The following DAB1 variants were observed in gnomAD, a reference collection of about 807,000 sequenced individuals.
The protein encoded by DAB1 is DAB adaptor protein 1, also known as disabled homolog 1.
In DAB1, 15 loss-of-function variants were observed where a neutral mutation model predicts 64.6. The ratio of observed to expected loss-of-function variants is 0.23; its 90% CI spans 0.16 to 0.36. The LOEUF is 0.36. DAB1 is among the 10% of genes least tolerant of loss of function. DAB1 has a pLI of 1.00. For missense variants in DAB1, 596 were observed against 706.7 expected (o/e 0.84, Z 1.78); for synonymous variants, 235 against 251.9 (o/e 0.93, Z 0.64).
In DAB1 at chr1:57,854,010, ATAGAG is replaced by A. The variant is rs113942017; in HGVS notation, n.88-27560_88-27556del. Among the ~76,000 whole-genome samples, 421 of 152,310 alleles carry A rather than the reference ATAGAG, an allele frequency of 2.8e-3. 2 individuals are homozygous for A. Among genetic ancestry groups the A allele is most frequent in the African/African-American group, 9.3e-3 (387 of 41,558 alleles). On this transcript the variant is annotated intron_variant and non_coding_transcript_variant, in intron 1 of 1. Coordinates refer to the DAB1 transcript ENST00000477280. Reference sequence around the variant, plus strand: ...TATTAATTCATCATTCAACACATATATAGAGTAAATATTAAATGCCTCTATGCTGC... The same window carrying A: ...TATTAATTCATCATTCAACACATATATAAATATTAAATGCCTCTATGCTGC...
At chr1:57,786,635 A>G (rs1176946267) in intron 6 of DAB1, among the ~76,000 whole-genome samples, 1 of 152,170 alleles carries the variant, frequency 6.6e-6, no homozygotes, top group Non-Finnish European at 1.5e-5. Flanking sequence ...TAAGTACATT[A>G]TTATGCACAT....
intron 1 of DAB1, among the ~76,000 whole-genome samples, chr1:58,527,558 T>C (rs765081589): frequency 5.9e-5 from 9 of 152,208 alleles, no homozygotes; most frequent in Non-Finnish European, 1.2e-4. Context: ...GTCATGCCTA[T>C]AAATTTCTTG....
intron 6 of DAB1, among the ~76,000 whole-genome samples, chr1:57,664,481 G>T (rs985847654): frequency 1.3e-5 from 2 of 151,984 alleles, no homozygotes; most frequent in African/African-American, 4.8e-5. Context: ...CAAGTATTAT[G>T]TAAACAGTTA....
chr1:57,879,399 C>A (rs944781478), intron 1 of DAB1, among the ~76,000 whole-genome samples: 2 of 152,154 alleles, frequency 1.3e-5, no homozygotes, highest in African/African-American at 2.4e-5. Flanking sequence ...ACCTAGCTTT[C>A]TGAACGGTTG....
chr1:57,038,931 A>C (rs114201894), intron 9 of DAB1, among the ~76,000 whole-genome samples: 1,744 of 152,296 alleles, frequency 0.011, 33 homozygotes, highest in African/African-American at 0.04. Flanking sequence ...GCTGACCTGA[A>C]CGGGCTAACG....
At chr1:57,538,407 C>T (rs1644756381) in intron 7 of DAB1, among the ~76,000 whole-genome samples, 1 of 152,136 alleles carries the variant, frequency 6.6e-6, no homozygotes. Context: ...GGATTGGGCC[C>T]TACCTCCCTC....
chr1:58,040,633 G>C (rs948107241), intron 5 of DAB1, among the ~76,000 whole-genome samples: 6 of 152,172 alleles, frequency 3.9e-5, no homozygotes, highest in African/African-American at 1.4e-4. Flanking sequence ...GTTTCCTGCG[G>C]ATTGAGAACA....
At chr1:57,611,867 G>A (rs903733620) in intron 7 of DAB1, among the ~76,000 whole-genome samples, 1 of 152,086 alleles carries the variant, frequency 6.6e-6, no homozygotes, top group African/African-American at 2.4e-5. Context: ...ATCCTCTAAG[G>A]TCTTCCTATT....
chr1:58,205,494 T>C (rs1042632510), intron 4 of DAB1, among the ~76,000 whole-genome samples: 1 of 152,232 alleles, frequency 6.6e-6, no homozygotes, highest in African/African-American at 2.4e-5. Flanking sequence ...TTCTCACCCA[T>C]GGCCCCTCAA....
At chr1:58,194,869 T>C (rs968744518) in intron 4 of DAB1, among the ~76,000 whole-genome samples, 8 of 152,236 alleles carry the variant, frequency 5.3e-5, no homozygotes, top group Admixed American at 2.6e-4. Flanking sequence ...ACATCCTGAT[T>C]ATTGTCCAGG....
intron 5 of DAB1, among the ~76,000 whole-genome samples, chr1:58,114,016 G>C (rs562414539): frequency 7.8e-4 from 119 of 151,620 alleles, no homozygotes; most frequent in Non-Finnish European, 1.4e-3. Context: ...GGAGGTCCAG[G>C]TGGGCGGATT....
chr1:57,248,929 G>T (rs181649180), intron 2 of DAB1, among the ~76,000 whole-genome samples: 1 of 152,272 alleles, frequency 6.6e-6, no homozygotes. Context: ...ACTATCATAG[G>T]TCTCAGGATA....
Position 58,514,799 on chromosome 1 carries a change from T to G in DAB1, n.108-8590A>C, listed in dbSNP as rs184000906. On this transcript the variant is annotated intron_variant and non_coding_transcript_variant, in intron 2 of 20. Coordinates refer to the DAB1 transcript ENST00000485760. Reference sequence around the variant, plus strand: ...GCAATACTGCAGAAAACCAAAATTGTTTCCAGCAGGCAAATATAAGATGGA... The same window carrying G: ...GCAATACTGCAGAAAACCAAAATTGGTTCCAGCAGGCAAATATAAGATGGA... Among the ~76,000 whole-genome samples, 417 of 152,214 alleles carry G rather than the reference T, an allele frequency of 2.7e-3. 1 individual carries two copies. Among genetic ancestry groups the G allele is most frequent in the Non-Finnish European group, 4.4e-3 (301 of 67,990 alleles).
chr1:58,304,864 T>G (rs1370471230), intron 4 of DAB1, among the ~76,000 whole-genome samples: 1 of 152,124 alleles, frequency 6.6e-6, no homozygotes, highest in East Asian at 1.9e-4. Context: ...TCCCTTCCAC[T>G]CTCTTTTCAC....
rs149234195 is a variant in DAB1, at chr1:58,526,154, T to A, written n.107+1107A>T. ...AACATATAGGGAAAATCTGACAGACTGGAGTACATGAAAATTAGGAAATTC... is the reference window on the plus strand; with the variant it reads ...AACATATAGGGAAAATCTGACAGACAGGAGTACATGAAAATTAGGAAATTC... On this transcript the variant is annotated intron_variant and non_coding_transcript_variant, in intron 2 of 20. Coordinates refer to the DAB1 transcript ENST00000485760. Among the ~76,000 whole-genome samples the A allele has an allele frequency of 6.0e-3, 907 of 152,206 alleles. 10 individuals are homozygous for A. The highest frequency in any genetic ancestry group is 0.021 in the African/African-American group (872 of 41,558).
chr1:57,781,061 T>C (rs946061751), intron 6 of DAB1, among the ~76,000 whole-genome samples: 3 of 148,674 alleles, frequency 2.0e-5, no homozygotes, highest in Non-Finnish European at 4.5e-5. Flanking sequence ...TTTTGTTCTA[T>C]GCATATTTTA....
At chr1:57,586,034 A>C (rs1285322377) in intron 7 of DAB1, among the ~76,000 whole-genome samples, 2 of 152,116 alleles carry the variant, frequency 1.3e-5, no homozygotes, top group East Asian at 3.9e-4. Context: ...CAGTCCAATA[A>C]CCATACGTTC....
intron 7 of DAB1, among the ~76,000 whole-genome samples, chr1:57,637,831 T>C (rs779037433): frequency 6.6e-6 from 1 of 152,186 alleles, no homozygotes; most frequent in Non-Finnish European, 1.5e-5. Context: ...TGTCCTCATA[T>C]ATAACTGATA....
intron 7 of DAB1, among the ~76,000 whole-genome samples, chr1:57,513,903 A>C (rs1194819850): frequency 6.7e-6 from 1 of 149,664 alleles, no homozygotes; most frequent in African/African-American, 2.6e-5. Flanking sequence ...TGCTTCTAAA[A>C]GTTCCACTTT....
Sources: allele counts gnomAD v4.1 joint callset (sites outside exome capture counted in the v4.1 genomes callset), GRCh38; gene constraint gnomAD v4.1.1; transcripts MANE v1.5; gene names NCBI Gene and HGNC (gene_info 2026-07-23, HGNC 2026-07-21).